REL: variants seen among roughly 807,000 people sequenced by gnomAD.
REL encodes REL proto-oncogene, NF-kB subunit.
REL carries 15 observed loss-of-function variants against 45.9 expected under a neutral mutation model. The observed-to-expected ratio is 0.33, with a 90% CI of 0.22 to 0.50. The LOEUF (loss-of-function observed/expected upper bound fraction) is 0.50, where lower values mean the gene tolerates loss of function less well. Ranked by LOEUF, REL falls within the 20% of genes least tolerant of loss-of-function variation. REL has a pLI of 0.98. For missense variants in REL, 601 were observed against 715.2 expected (o/e 0.84, Z 1.82); for synonymous variants, 239 against 242.1 (o/e 0.99, Z 0.12).
chr2:60,903,909 C>T (rs868156994), intron 4 of REL, among the ~76,000 whole-genome samples: 7 of 151,980 alleles, frequency 4.6e-5, no homozygotes, highest in Non-Finnish European at 7.4e-5. Context: ...TCCAGTGATC[C>T]GCCTGCCTTG....
chr2:60,929,213 A>G lies in REL; in HGVS notation c.*6678A>G, dbSNP rs1486823845. The G allele has an allele frequency of 1.3e-5, 2 of 149,968 alleles. No individual in the cohort carries two copies. The highest frequency in any genetic ancestry group is 1.9e-4 in the East Asian group (1 of 5,166). 9.3% of individuals were successfully genotyped at this position (149,968 alleles called of 1,614,324 possible). On this transcript the variant is annotated 3_prime_UTR_variant, in exon 10 of 10. Transcript: ENST00000394479. Reference sequence around the variant, plus strand: ...TGTGGAGAAATAGGAACACTTTTACACTGTTGGTGGGACTGTAAACTAGTT... The same window carrying G: ...TGTGGAGAAATAGGAACACTTTTACGCTGTTGGTGGGACTGTAAACTAGTT...
In REL at chr2:60,930,576, CAGTG is replaced by C. The variant is rs1435934315; in HGVS notation, c.*8042_*8045del. The C allele has an allele frequency of 2.6e-5, 4 of 152,272 alleles. No homozygotes were observed. The highest frequency in any genetic ancestry group is 9.7e-5 in the African/African-American group (4 of 41,412). 9.4% of individuals were successfully genotyped at this position (152,272 alleles called of 1,614,324 possible). A position where few individuals can be genotyped will look rare whatever the true frequency, so the allele number is the denominator to read the frequency against. Reference sequence around the variant, plus strand: ...AGAGTTTAGTTAAGCACAAAGTTAACAGTGGGTAGGATTGAATCTTGAAAGTAAT... The same window carrying C: ...AGAGTTTAGTTAAGCACAAAGTTAACGGTAGGATTGAATCTTGAAAGTAAT... On this transcript the variant is annotated 3_prime_UTR_variant, in exon 10 of 10. Coordinates refer to ENST00000394479, the MANE Select transcript of REL (RefSeq NM_001291746.2).
chr2:60,908,610 A>T (rs1033905721), intron 4 of REL, among the ~76,000 whole-genome samples: 2 of 152,192 alleles, frequency 1.3e-5, no homozygotes, highest in African/African-American at 4.8e-5. Context: ...AGCTGAAAAA[A>T]ATTTGTAATT....
chr2:60,900,815 C>T, intron 3 of REL, 177 bp from the exon 4 acceptor site: 2 of 566,574 alleles, frequency 3.5e-6, no homozygotes, highest in Admixed American at 4.2e-5. Flanking sequence ...AAGCCACGCG[C>T]CCAGCCATAT....
chr2:60,882,133 G>A (rs773464985), intron 1 of REL, among the ~76,000 whole-genome samples: 5 of 152,144 alleles, frequency 3.3e-5, no homozygotes, highest in Admixed American at 6.5e-5. Flanking sequence ...AACCAAAGGA[G>A]GACGAAGAGT....
At chr2:60,893,533 T>C (rs1201417725) in intron 2 of REL, among the ~76,000 whole-genome samples, 1 of 152,238 alleles carries the variant, frequency 6.6e-6, no homozygotes, top group Admixed American at 6.5e-5. Flanking sequence ...TTTTTACCAT[T>C]CCAGTAGGTC....
chr2:60,920,029 C>G lies in REL; in HGVS notation c.854-12C>G. ...AATTTTTTATCTGCTTTCCTGGTTT[C>G]TTTCTAATCAGATACTTACGGCAAT... On this transcript the variant is annotated splice_polypyrimidine_tract_variant and intron_variant, in intron 7 of 9. Transcript: ENST00000394479. The G allele has an allele frequency of 6.3e-7, 1 of 1,584,152 alleles. No homozygotes were observed. The highest frequency in any genetic ancestry group is 8.6e-7 in the Non-Finnish European group (1 of 1,160,426).
Position 60,928,913 on chromosome 2 carries a change from G to A in REL, c.*6378G>A, listed in dbSNP as rs1487749169. 6 of 148,720 alleles carry A rather than the reference G, an allele frequency of 4.0e-5. No individual in the cohort carries two copies. The highest frequency in any genetic ancestry group is 3.9e-4 in the East Asian group (2 of 5,162). The allele number at this position is 148,720 out of a possible 1,614,324, so 9.2% of individuals were successfully genotyped here. The stretch of plus-strand genomic sequence containing the variant: ...ACCTACAAAATGGGAGAAAATTTTC[G>A]CAACCTACTTATCTGACAAAGGGCT... On this transcript the variant is annotated 3_prime_UTR_variant, in exon 10 of 10. Coordinates refer to ENST00000394479, the MANE Select transcript of REL (RefSeq NM_001291746.2).
At position 60,920,633 on chromosome 2, in the gene REL, T is replaced by C; in HGVS notation, c.982T>C (p.Phe328Leu). 6.3e-7 allele frequency: 1 copy of C among 1,591,280 alleles called. No individual in the cohort carries two copies. The part of the protein sequence containing the change: ...LLGSIGEGRY[F>L]KKEPNLFSHD... ...CGGTTCAATTGGAGAAGGAAGATAC[T>C]TCAAAAAAGGTATTTTATTTCCTAT... Residue 328 changes from phenylalanine (F) to leucine (L), a missense_variant, in exon 9 of 10, where the codon TTC (phenylalanine) becomes CTC (leucine). Physicochemically the swap from Phe to Leu is conservative, Grantham distance 22 (BLOSUM62 0). Around this residue, in one of 4 missense-constraint regions of REL, gnomAD observed 334 missense variants for 333.1 expected, o/e 1.00. Transcript: ENST00000394479.
At chr2:60,917,525 T>C (rs969382856) in intron 5 of REL, among the ~76,000 whole-genome samples, 10 of 143,280 alleles carry the variant, frequency 7.0e-5, no homozygotes, top group Non-Finnish European at 1.1e-4. Flanking sequence ...TATTTTTTTT[T>C]ATTGGTTTTT....
At chr2:60,903,425 G>A (rs534083295) in intron 4 of REL, among the ~76,000 whole-genome samples, 1 of 152,268 alleles carries the variant, frequency 6.6e-6, no homozygotes, top group East Asian at 1.9e-4. Context: ...CCGGGCTGGA[G>A]TGCAGTGATG....
intron 4 of REL, among the ~76,000 whole-genome samples, chr2:60,913,301 A>G (rs1351023013): frequency 1.3e-5 from 2 of 151,912 alleles, no homozygotes; most frequent in African/African-American, 2.4e-5. Context: ...TTGCCTCCTC[A>G]TATGTGTGGT....
chr2:60,915,373 A>G (rs1573340619), intron 4 of REL, among the ~76,000 whole-genome samples: 1 of 152,230 alleles, frequency 6.6e-6, no homozygotes, highest in African/African-American at 2.4e-5. Context: ...TGCCTACACA[A>G]TAGTGCCAGT....
chr2:60,881,760 C>T lies in REL; in HGVS notation c.-81C>T, dbSNP rs1672941479. The T allele has an allele frequency of 1.5e-6, 2 of 1,337,060 alleles. No individual in the cohort carries two copies. Among genetic ancestry groups the T allele is most frequent in the South Asian group, 1.3e-5 (1 of 79,210 alleles). 82.8% of individuals were successfully genotyped at this position (1,337,060 alleles called of 1,614,324 possible). A position where few individuals can be genotyped will look rare whatever the true frequency, so the allele number is the denominator to read the frequency against. ...GGGGGCCCCGCCGGCAGAGGTCCCT[C>T]GGCCTCCTGACTGACTGACTGCGGC... On this transcript the variant is annotated 5_prime_UTR_variant, in exon 1 of 10. Coordinates refer to ENST00000394479, the MANE Select transcript of REL (RefSeq NM_001291746.2).
Position 60,921,780 on chromosome 2 carries a change from C to A in REL, c.1009C>A (p.His337Asn), listed in dbSNP as rs761172887. The A allele has an allele frequency of 6.2e-7, 1 of 1,600,470 alleles. No homozygotes were observed. Among genetic ancestry groups the A allele is most frequent in the Non-Finnish European group, 8.5e-7 (1 of 1,169,786 alleles). Reference sequence around the variant, plus strand: ...TCCCACAGAACCAAACTTGTTTTCTCATGATGCAGTTGTGAGAGAAATGCC... The same window carrying A: ...TCCCACAGAACCAAACTTGTTTTCTAATGATGCAGTTGTGAGAGAAATGCC... ...YFKKEPNLFS[H>N]DAVVREMPTG... is the part of the protein sequence containing the mutation. The change falls in exon 10 of 10, where the codon CAT becomes AAT. Residue 337 changes from histidine to asparagine, a missense_variant. His to Asn is a moderately conservative substitution (Grantham distance 68). Transcript: ENST00000394479.
intron 1 of REL, among the ~76,000 whole-genome samples, chr2:60,888,174 C>G (rs1046929473): frequency 1.3e-5 from 2 of 151,944 alleles, no homozygotes; most frequent in African/African-American, 4.8e-5. Context: ...AGTGATCCAC[C>G]CACTTTGGCC....
At position 60,927,681 on chromosome 2, in the gene REL, C is replaced by G. The variant is rs886152443; in HGVS notation, c.*5146C>G. 3 of 229,604 alleles carry G rather than the reference C, an allele frequency of 1.3e-5. No individual in the cohort carries two copies. The highest frequency in any genetic ancestry group is 2.6e-5 in the Non-Finnish European group (3 of 115,832). 14.2% of individuals were successfully genotyped at this position (229,604 alleles called of 1,614,324 possible). On this transcript the variant is annotated 3_prime_UTR_variant, in exon 10 of 10. Transcript: ENST00000394479. ...GGAAATTATACAGAGGTGAATAAGACAAAAACTCTTGCTCTCAAAGATGTC... is the reference window on the plus strand; with the variant it reads ...GGAAATTATACAGAGGTGAATAAGAGAAAAACTCTTGCTCTCAAAGATGTC...
intron 4 of REL, among the ~76,000 whole-genome samples, chr2:60,901,567 C>T (rs1292025603): frequency 3.9e-5 from 6 of 152,062 alleles, no homozygotes; most frequent in Admixed American, 3.3e-4. Flanking sequence ...AGTTTCTTCA[C>T]AGTTGTTGAA....
chr2:60,890,183 A>T (rs913436358), intron 1 of REL, among the ~76,000 whole-genome samples: 9 of 152,154 alleles, frequency 5.9e-5, no homozygotes, highest in Admixed American at 2.0e-4. Context: ...TTTGATTTGC[A>T]TTTCTCTGAT....
Sources: gnomAD v4.1 joint callset for allele counts (sites outside exome capture counted in the v4.1 genomes callset) on GRCh38, gnomAD v4.1.1 for gene constraint, gnomAD v4.1.1 regional missense constraint, MANE v1.5 for transcripts, NCBI Gene and HGNC (gene_info 2026-07-23, HGNC 2026-07-21) for gene names.